CPT2: variants seen among roughly 807,000 people sequenced by gnomAD.
The protein encoded by CPT2 is carnitine palmitoyltransferase 2, also known as carnitine O-palmitoyltransferase 2, mitochondrial.
CPT2 carries 37 observed loss-of-function variants against 48.6 expected under a neutral mutation model. That is an observed-to-expected ratio of 0.76 (90% CI 0.59 to 1.00). The LOEUF (loss-of-function observed/expected upper bound fraction) is 1.00. Among genes scored for constraint, CPT2 ranks in the 50% least tolerant of loss-of-function variants. The probability of loss-of-function intolerance (pLI) is 0.00; values close to 1 mark genes in which losing one functional copy is unlikely to be tolerated. For missense variants in CPT2, 772 were observed against 825.6 expected (o/e 0.94, Z 0.80); for synonymous variants, 319 against 326.9 (o/e 0.98, Z 0.26).
At chr1:53,204,172 C>G (rs1645371668) in intron 3 of CPT2, 1 of 152,002 alleles carries the variant, frequency 6.6e-6, no homozygotes, top group Non-Finnish European at 1.5e-5. Flanking sequence ...ATTTCTTTGG[C>G]TTTCTTCCTC....
intron 3 of CPT2, 117 bp from the exon 4 acceptor site, chr1:53,209,898 C>A: frequency 2.5e-6 from 2 of 816,136 alleles, no homozygotes; most frequent in Non-Finnish European, 4.0e-6. Context: ...GGGAATTCTT[C>A]TCTCTGGAGG....
At position 53,210,820 on chromosome 1, in the gene CPT2, A is replaced by G; in HGVS notation, c.1146A>G (p.Arg382=). The G allele has an allele frequency of 6.2e-7, 1 of 1,614,050 alleles. No homozygotes were observed. Among genetic ancestry groups the G allele is most frequent in the Non-Finnish European group, 8.5e-7 (1 of 1,180,002 alleles). The change falls in exon 4 of 5, where the codon AGA becomes AGG. Residue 382 remains arginine (R), a synonymous_variant. Coordinates refer to ENST00000371486, the MANE Select transcript of CPT2 (RefSeq NM_000098.3). ...HSWGDGVAVL[R]FFNEVFKDST... ...GGGGTGATGGTGTGGCAGTGCTCAG[A>G]TTTTTTAATGAAGTATTTAAAGACA...
rs756328565 is a variant in CPT2, at chr1:53,210,598, T to C, written c.924T>C (p.Ser308=). The C allele has an allele frequency of 5.6e-6, 9 of 1,613,662 alleles. No individual in the cohort carries two copies. The highest frequency in any genetic ancestry group is 7.6e-6 in the Non-Finnish European group (9 of 1,179,910). ...IWAELRQKLM[S]SGNEESLRKV... is the part of the protein sequence containing the mutation. ...CAGAGCTCAGGCAGAAGCTGATGAG[T>C]AGTGGCAATGAGGAGAGCCTGAGGA... is the stretch of plus-strand genomic sequence containing the variant. The change falls in exon 4 of 5, where the codon AGT becomes AGC. Residue 308 remains serine (S), a synonymous_variant. Transcript: ENST00000371486.
chr1:53,210,146 T>A lies in CPT2; in HGVS notation c.472T>A (p.Ser158Thr). 6.2e-7 allele frequency: 1 copy of A among 1,614,192 alleles called. No homozygotes were observed. The highest frequency in any genetic ancestry group is 8.5e-7 in the Non-Finnish European group (1 of 1,180,034). The change falls in exon 4 of 5, where the codon TCT becomes ACT. Residue 158 changes from serine (S) to threonine (T), a missense_variant. By Grantham distance (58) the Ser-to-Thr change is moderately conservative. Transcript: ENST00000371486. ...CACCCGGGCAACCAACATGACTGTT[T>A]CTGCCATCCGGTTTCTGAAGACACT... is the stretch of plus-strand genomic sequence containing the variant. ...QLTRATNMTV[S>T]AIRFLKTLRA... is the part of the protein sequence containing the mutation.
intron 3 of CPT2, chr1:53,208,115 C>A (rs1471237193): frequency 6.6e-6 from 1 of 152,194 alleles, no homozygotes; most frequent in Non-Finnish European, 1.5e-5. Context: ...TTTATGTCTT[C>A]TTTCATCAAA....
At chr1:53,199,068 T>G (rs997992894) in intron 1 of CPT2, among the ~76,000 whole-genome samples, 5 of 42,730 alleles carry the variant, frequency 1.2e-4, no homozygotes, top group Non-Finnish European at 1.7e-4. Context: ...CACAGTTTTA[T>G]TTTGGTTTTT....
At position 53,196,832 on chromosome 1, in the gene CPT2, G is replaced by T. The variant is rs760556045; in HGVS notation, c.-112G>T. The stretch of plus-strand genomic sequence containing the variant: ...GGAAGTGGCCTGCGGGCGGAGAAGT[G>T]CCTCAGGAGTCCTGACGCAGTGTCT... On this transcript the variant is annotated 5_prime_UTR_variant, in exon 1 of 5. Transcript: ENST00000371486. 1.7e-5 allele frequency: 23 copies of T among 1,372,936 alleles called. No individual in the cohort carries two copies. Among genetic ancestry groups the T allele is most frequent in the Non-Finnish European group, 2.0e-5 (20 of 1,008,934 alleles). 85.0% of individuals were successfully genotyped at this position (1,372,936 alleles called of 1,614,324 possible).
At chr1:53,211,989 C>T (rs953435005) in intron 4 of CPT2, among the ~76,000 whole-genome samples, 1 of 151,474 alleles carries the variant, frequency 6.6e-6, no homozygotes, top group Non-Finnish European at 1.5e-5. Context: ...ACTTCCTTGG[C>T]TCAAACAATC....
At chr1:53,206,864 A>C (rs1276351479) in intron 3 of CPT2, among the ~76,000 whole-genome samples, 3 of 152,200 alleles carry the variant, frequency 2.0e-5, no homozygotes, top group African/African-American at 7.2e-5. Context: ...TTGGGAAGAC[A>C]TGGTTGTGTT....
In CPT2 at chr1:53,201,022, A is replaced by G. The variant is rs1175196548; in HGVS notation, c.233+223A>G. ...CAGGCTCAACAGGAGATAGTTTATA[A>G]GCCAGAATGCCAAATGTGTACTTTC... is the stretch of plus-strand genomic sequence containing the variant. On this transcript the variant is annotated intron_variant, in intron 2 of 4. Transcript: ENST00000371486. 18 of 580,192 alleles carry G rather than the reference A, an allele frequency of 3.1e-5. No homozygotes were observed. In the East Asian group the frequency reaches 4.7e-4, roughly 15 times the overall value. 35.9% of individuals were successfully genotyped at this position (580,192 alleles called of 1,614,324 possible).
intron 3 of CPT2, 145 bp from the exon 4 acceptor site, chr1:53,209,870 G>C: frequency 2.9e-6 from 2 of 689,358 alleles, no homozygotes; most frequent in Non-Finnish European, 5.0e-6. Context: ...TTGAATTATT[G>C]CAGAGCAAAA....
At chr1:53,204,876 G>A (rs866104559) in intron 3 of CPT2, among the ~76,000 whole-genome samples, 6 of 152,124 alleles carry the variant, frequency 3.9e-5, no homozygotes, top group Admixed American at 2.0e-4. Flanking sequence ...TTCACCTTGC[G>A]CTGTGATTGT....
At chr1:53,212,354 T>G (rs986162147) in intron 4 of CPT2, among the ~76,000 whole-genome samples, 1 of 152,190 alleles carries the variant, frequency 6.6e-6, no homozygotes, top group Admixed American at 6.5e-5. Flanking sequence ...TAAGCCACCA[T>G]GCCGGGCCTA....
At chr1:53,211,570 C>G in intron 4 of CPT2, 2 of 519,444 alleles carry the variant, frequency 3.9e-6, no homozygotes, top group Non-Finnish European at 6.8e-6. Flanking sequence ...AGGTCACTTT[C>G]AGCTGTGACG....
Position 53,202,396 on chromosome 1 carries a change from G to A in CPT2, c.307G>A (p.Asp103Asn). The A allele has an allele frequency of 6.2e-7, 1 of 1,614,144 alleles. No homozygotes were observed. The highest frequency in any genetic ancestry group is 8.5e-7 in the Non-Finnish European group (1 of 1,179,976). Residue 103 changes from aspartate (D) to asparagine (N), a missense_variant, in exon 3 of 5, where the codon GAC becomes AAC. Physicochemically the swap from Asp to Asn is conservative, Grantham distance 23. Transcript: ENST00000371486. ...ACTGCATGAGCAGCTGGTTGCTCTGGACAAACAGAATAAACATACAAGCTA... is the reference window on the plus strand; with the variant it reads ...ACTGCATGAGCAGCTGGTTGCTCTGAACAAACAGAATAAACATACAAGCTA... ...KELHEQLVAL[D>N]KQNKHTSYIS...
intron 4 of CPT2, among the ~76,000 whole-genome samples, chr1:53,212,545 G>T (rs1645435989): frequency 6.6e-6 from 1 of 152,138 alleles, no homozygotes. Context: ...TGAAAATTTA[G>T]GATTTCTAAA....
chr1:53,211,632 T>G (rs1218634431), intron 4 of CPT2: 2 of 450,102 alleles, frequency 4.4e-6, no homozygotes, highest in Non-Finnish European at 7.8e-6. Flanking sequence ...GACAAGAGTT[T>G]CCCTCCGTCC....
chr1:53,206,517 C>G (rs763045083), intron 3 of CPT2, among the ~76,000 whole-genome samples: 20 of 152,338 alleles, frequency 1.3e-4, no homozygotes, highest in Admixed American at 4.6e-4. Context: ...GCCACAGGGG[C>G]AGGGCTACCA....
At position 53,197,031 on chromosome 1, in the gene CPT2, G is replaced by A. The variant is rs937940197; in HGVS notation, c.88G>A (p.Gly30Arg). The A allele has an allele frequency of 1.3e-5, 20 of 1,536,480 alleles. No individual in the cohort carries two copies. Among genetic ancestry groups the A allele is most frequent in the Non-Finnish European group, 1.7e-5 (20 of 1,145,472 alleles). Residue 30 changes from glycine to arginine, a missense_variant, in exon 1 of 5, where the codon GGG becomes AGG. By Grantham distance (125) the Gly-to-Arg change is moderately radical. Coordinates refer to ENST00000371486, the MANE Select transcript of CPT2 (RefSeq NM_000098.3). Reference sequence around the variant, plus strand: ...CAGTCGGCCCCTCAGCGCCGGCTCCGGGCCCGGCCAGTACCTGCAGCGCAG... The same window carrying A: ...CAGTCGGCCCCTCAGCGCCGGCTCCAGGCCCGGCCAGTACCTGCAGCGCAG... ...APSRPLSAGS[G>R]PGQYLQRSIV...
Sources: allele counts gnomAD v4.1 joint callset (sites outside exome capture counted in the v4.1 genomes callset), GRCh38; gene constraint gnomAD v4.1.1; transcripts MANE v1.5; gene names NCBI Gene and HGNC (gene_info 2026-07-23, HGNC 2026-07-21).